Variants in ROBO1 observed in about 807,000 individuals in gnomAD.
The protein encoded by ROBO1 is roundabout homolog 1.
In ROBO1, 149 loss-of-function variants were observed where a neutral mutation model predicts 195.9. That is an observed-to-expected ratio of 0.76 (90% confidence interval 0.67 to 0.87). ROBO1 has a LOEUF of 0.87. ROBO1 is among the 40% of genes least tolerant of loss of function. The pLI is 0.00. For synonymous variants in ROBO1, 816 were observed against 733.2 expected (o/e 1.11, Z -1.82); for missense variants, 1,933 against 2,068.3 (o/e 0.93, Z 1.27).
intron 2 of ROBO1, among the ~76,000 whole-genome samples, chr3:79,135,142 C>T (rs181039004): frequency 4.0e-4 from 61 of 152,140 alleles, no homozygotes; most frequent in Non-Finnish European, 2.2e-4. Context: ...GTCTCTTGAA[C>T]TTATTCCTCC....
chr3:79,256,211 C>T (rs1327055266), intron 2 of ROBO1, among the ~76,000 whole-genome samples: 1 of 152,132 alleles, frequency 6.6e-6, no homozygotes, highest in Admixed American at 6.6e-5. Context: ...TTTTGGAAGT[C>T]TGTGTAAAAA....
intron 2 of ROBO1, among the ~76,000 whole-genome samples, chr3:79,324,934 G>C (rs1160543446): frequency 6.6e-6 from 1 of 152,168 alleles, no homozygotes; most frequent in South Asian, 2.1e-4. Context: ...TATAGTCTTC[G>C]AGTTGAGAGT....
At chr3:79,184,261 A>C (rs2081396880) in intron 2 of ROBO1, among the ~76,000 whole-genome samples, 1 of 152,134 alleles carries the variant, frequency 6.6e-6, no homozygotes, top group Non-Finnish European at 1.5e-5. Context: ...GTTTGCTCAC[A>C]TTTGTTCCCT....
chr3:79,693,237 C>T (rs1947345452), intron 1 of ROBO1, among the ~76,000 whole-genome samples: 1 of 151,726 alleles, frequency 6.6e-6, no homozygotes. Context: ...AGAGCATCAT[C>T]TTTTATAGCA....
At chr3:79,179,358 T>C (rs1198905340) in intron 2 of ROBO1, among the ~76,000 whole-genome samples, 1 of 152,224 alleles carries the variant, frequency 6.6e-6, no homozygotes, top group Non-Finnish European at 1.5e-5. Flanking sequence ...ACTGAGTGGA[T>C]TTCAATTTAT....
intron 10 of ROBO1, among the ~76,000 whole-genome samples, chr3:78,681,445 T>G (rs1575921492): frequency 6.6e-6 from 1 of 152,166 alleles, no homozygotes; most frequent in Non-Finnish European, 1.5e-5. Flanking sequence ...GAACTTAATG[T>G]CTAACGAAGA....
At chr3:78,670,351 T>C (rs781526799) in intron 10 of ROBO1, 50 bp from the exon 11 acceptor site, 2 of 1,482,882 alleles carry the variant, frequency 1.3e-6, no homozygotes, top group Non-Finnish European at 1.8e-6. Flanking sequence ...GAAGCAATTT[T>C]CTAATCATCC....
chr3:79,085,714 A>G (rs2079356227), intron 3 of ROBO1, among the ~76,000 whole-genome samples: 1 of 152,134 alleles, frequency 6.6e-6, no homozygotes, highest in African/African-American at 2.4e-5. Flanking sequence ...GTGTCTAGGA[A>G]GTAGCAAAAT....
chr3:78,652,627 T>A (rs1706742942), intron 18 of ROBO1, among the ~76,000 whole-genome samples: 1 of 152,178 alleles, frequency 6.6e-6, no homozygotes. Flanking sequence ...CCATGAATAA[T>A]CTCTGCATTA....
chr3:79,125,851 G>A (rs1184741921), intron 2 of ROBO1, among the ~76,000 whole-genome samples: 2 of 152,212 alleles, frequency 1.3e-5, no homozygotes, highest in African/African-American at 4.8e-5. Flanking sequence ...AGCACGGACT[G>A]AGAGAGCATA....
intron 2 of ROBO1, among the ~76,000 whole-genome samples, chr3:79,297,425 A>G (rs2032652101): frequency 6.6e-6 from 1 of 152,122 alleles, no homozygotes; most frequent in Non-Finnish European, 1.5e-5. Context: ...GTTTAAGTAA[A>G]CACAATTCTT....
chr3:79,157,778 A>G (rs942015009), intron 2 of ROBO1, among the ~76,000 whole-genome samples: 2 of 151,946 alleles, frequency 1.3e-5, no homozygotes, highest in Non-Finnish European at 2.9e-5. Flanking sequence ...AACCACAGAT[A>G]TATTAGCTGC....
In ROBO1 at chr3:78,631,395, T is replaced by G. The variant is rs181684139; in HGVS notation, c.3482-90A>C. 213 of 1,362,334 alleles carry G rather than the reference T, an allele frequency of 1.6e-4. No homozygotes were observed. The East Asian group carries it at 5.0e-3, about 32-fold the overall frequency. 84.4% of individuals were successfully genotyped at this position (1,362,334 alleles called of 1,614,324 possible). A position where few individuals can be genotyped will look rare whatever the true frequency, so the allele number is the denominator to read the frequency against. ...GTTAATTATTTTTTGTAAATATGAT[T>G]TTATAATTCATTTATATATACAGAG... is the stretch of plus-strand genomic sequence containing the variant. On this transcript the variant is annotated intron_variant, in intron 24 of 30. Transcript: ENST00000464233.
At chr3:78,960,505 G>A (rs2107828666) in intron 3 of ROBO1, among the ~76,000 whole-genome samples, 1 of 152,082 alleles carries the variant, frequency 6.6e-6, no homozygotes, top group South Asian at 2.1e-4. Context: ...ATGGGTCCGG[G>A]TGTGGTGGCT....
chr3:79,408,742 T>G (rs571845198), intron 2 of ROBO1, among the ~76,000 whole-genome samples: 13 of 152,290 alleles, frequency 8.5e-5, no homozygotes, highest in Non-Finnish European at 1.9e-4. Context: ...TAATTAAGTT[T>G]TAAAGGGTCT....
intron 1 of ROBO1, among the ~76,000 whole-genome samples, chr3:79,592,905 C>A (rs141666450): frequency 1.2e-3 from 182 of 152,182 alleles, no homozygotes; most frequent in African/African-American, 4.1e-3. Flanking sequence ...ATCCCTCCCC[C>A]TTCCGAACCC....
intron 3 of ROBO1, among the ~76,000 whole-genome samples, chr3:79,090,364 A>G (rs572397352): frequency 1.6e-4 from 24 of 152,144 alleles, no homozygotes; most frequent in African/African-American, 5.1e-4. Context: ...TAGTGTCTAA[A>G]ATACATCATG....
At chr3:78,891,919 G>A (rs1329549793) in intron 4 of ROBO1, among the ~76,000 whole-genome samples, 1 of 152,198 alleles carries the variant, frequency 6.6e-6, no homozygotes, top group Non-Finnish European at 1.5e-5. Context: ...CTAAACAGTG[G>A]TTGCCTCTCA....
chr3:79,018,829 C>T, intron 3 of ROBO1: 1 of 1,013,446 alleles, frequency 9.9e-7, no homozygotes, highest in African/African-American at 1.7e-5. Flanking sequence ...AATGTGCGGC[C>T]GAGCGCCGCT....
Sources: allele counts gnomAD v4.1 joint callset (sites outside exome capture counted in the v4.1 genomes callset), GRCh38; gene constraint gnomAD v4.1.1; transcripts MANE v1.5; gene names NCBI Gene and HGNC (gene_info 2026-07-23, HGNC 2026-07-21).